Variants in INO80E observed in about 807,000 individuals in gnomAD.
The protein encoded by INO80E is INO80 complex subunit E.
INO80E carries 20 observed loss-of-function variants against 27.3 expected under a neutral mutation model. That is an observed-to-expected ratio of 0.73 (90% CI 0.51 to 1.06). The LOEUF (loss-of-function observed/expected upper bound fraction) is 1.06. INO80E is among the 50% of genes least tolerant of loss of function. The pLI is 0.00. For synonymous variants in INO80E, 167 were observed against 145.9 expected, an observed-to-expected ratio of 1.14 and a Z score of -1.04; for missense variants, 357 against 322.8, an observed-to-expected ratio of 1.11 and a Z score of -0.81.
At chr16:30,004,773 C>T (rs1292402006) in intron 6 of INO80E, 1 of 157,428 alleles carries the variant, frequency 6.4e-6, no homozygotes, top group Non-Finnish European at 1.4e-5. Context: ...GCTCCTGGCT[C>T]AGGCAGCCTG....
At position 30,001,519 on chromosome 16, in the gene INO80E, C is replaced by T. The variant is rs140904045; in HGVS notation, c.502C>T (p.Arg168Trp). Reference protein sequence around the residue: ...PKREKRPRLPRKLKMAVGPPD... With the variant: ...PKREKRPRLPWKLKMAVGPPD... ...GCGGGAGAAACGGCCCCGCCTGCCC[C>T]GGAAACTCAAGGTACCCTGACGTGG... is the stretch of plus-strand genomic sequence containing the variant. Residue 168 changes from arginine (R) to tryptophan (W), a missense_variant, in exon 6 of 7, where the codon CGG becomes TGG. Transcript: ENST00000563197. 7.5e-5 allele frequency: 121 copies of T among 1,612,588 alleles called. No homozygotes were observed. The African/African-American group carries it at 1.1e-3, about 14-fold the overall frequency.
At chr16:29,997,125 G>A (rs1480843980) in intron 3 of INO80E, among the ~76,000 whole-genome samples, 1 of 152,198 alleles carries the variant, frequency 6.6e-6, no homozygotes, top group African/African-American at 2.4e-5. Flanking sequence ...ATTCTAGTTG[G>A]GAAGAATAAG....
chr16:30,001,036 G>T lies in INO80E; in HGVS notation c.392G>T (p.Ser131Ile). The T allele has an allele frequency of 6.5e-7, 1 of 1,542,868 alleles. No homozygotes were observed. The highest frequency in any genetic ancestry group is 8.7e-7 in the Non-Finnish European group (1 of 1,144,078). ...QASGVPSPYLSSLASSRYPPF... is the reference protein window; with the variant it reads ...QASGVPSPYLISLASSRYPPF... ...TCCGGGGTCCCCTCCCCATACCTGA[G>T]CTCGGTGAGTTGGGGTCAGGGATGG... The change falls in exon 5 of 7, where the codon AGC becomes ATC. Residue 131 changes from serine (S) to isoleucine (I), a missense_variant. Ser to Ile is a moderately radical substitution (Grantham distance 142). Transcript: ENST00000563197.
At position 30,005,339 on chromosome 16, in the gene INO80E, C is replaced by G; in HGVS notation, c.632C>G (p.Pro211Arg). 6.7e-7 allele frequency: 1 copy of G among 1,501,550 alleles called. No individual in the cohort carries two copies. The allele number at this position is 1,501,550 out of a possible 1,614,324, so 93.0% of individuals were successfully genotyped here. A position where few individuals can be genotyped will look rare whatever the true frequency, so the allele number is the denominator to read the frequency against. Residue 211 changes from proline to arginine, a missense_variant, in exon 7 of 7, where the codon CCC (proline) becomes CGC (arginine). Coordinates refer to ENST00000563197, the MANE Select transcript of INO80E (RefSeq NM_173618.3). Reference sequence around the variant, plus strand: ...CTCCCACCCCCTAAGATGCCCCCCCCCACGATCCTGAGCACGGTCCCTCGG... The same window carrying G: ...CTCCCACCCCCTAAGATGCCCCCCCGCACGATCCTGAGCACGGTCCCTCGG... ...TPLPPPKMPP[P>R]TILSTVPRQM...
rs1402240076 is a variant in INO80E, at chr16:30,000,747, C to T, written c.206-11C>T. 3 of 1,612,950 alleles carry T rather than the reference C, an allele frequency of 1.9e-6. No homozygotes were observed. In the East Asian group the frequency reaches 6.7e-5, roughly 36 times the overall value. On this transcript the variant is annotated splice_polypyrimidine_tract_variant and intron_variant, in intron 3 of 6. Coordinates refer to ENST00000563197, the MANE Select transcript of INO80E (RefSeq NM_173618.3). ...CCCCCCATCCCCACTGACCAGCTGTCCCCATCACAGACTCAGATGCCACTG... is the reference window on the plus strand; with the variant it reads ...CCCCCCATCCCCACTGACCAGCTGTTCCCATCACAGACTCAGATGCCACTG...
chr16:30,001,511 G>A lies in INO80E; in HGVS notation c.494G>A (p.Arg165His), dbSNP rs147726848. 7.5e-5 allele frequency: 121 copies of A among 1,612,614 alleles called. No individual in the cohort carries two copies. The highest frequency in any genetic ancestry group is 4.1e-4 in the African/African-American group (31 of 74,834). Residue 165 changes from arginine (R) to histidine (H), a missense_variant, in exon 6 of 7, where the codon CGC becomes CAC. Arg to His is a conservative substitution (Grantham distance 29). Transcript: ENST00000563197. The stretch of plus-strand genomic sequence containing the variant: ...AGGCCCAAGCGGGAGAAACGGCCCC[G>A]CCTGCCCCGGAAACTCAAGGTACCC... ...PLRPKREKRP[R>H]LPRKLKMAVG...
At chr16:30,004,426 T>A (rs909502410) in intron 6 of INO80E, 1 of 152,940 alleles carries the variant, frequency 6.5e-6, no homozygotes, top group East Asian at 1.9e-4. Flanking sequence ...CAGAGGCCAC[T>A]TCCCACCCTC....
intron 6 of INO80E, chr16:30,004,462 A>G (rs1199407384): frequency 6.5e-6 from 1 of 152,792 alleles, no homozygotes; most frequent in Non-Finnish European, 1.5e-5. Flanking sequence ...ACTTCTGACA[A>G]ATAGAGCAGG....
chr16:29,996,254 C>T lies in INO80E; in HGVS notation c.-57C>T, dbSNP rs757116886. 33 of 1,499,524 alleles carry T rather than the reference C, an allele frequency of 2.2e-5. 1 individual carries two copies. In the Middle Eastern group the frequency reaches 2.3e-3, roughly 106 times the overall value. 92.9% of individuals were successfully genotyped at this position (1,499,524 alleles called of 1,614,324 possible). A position where few individuals can be genotyped will look rare whatever the true frequency, so the allele number is the denominator to read the frequency against. ...GGAAGTGGAGGCGGGAGCGGCACGG[C>T]AGCCACTGCTTGGGGTAGCGGGAGG... On this transcript the variant is annotated 5_prime_UTR_variant, in exon 1 of 7. Transcript: ENST00000563197.
chr16:29,996,973 A>G, intron 3 of INO80E, 113 bp downstream of exon 3: 1 of 993,978 alleles, frequency 1.0e-6, no homozygotes, highest in Admixed American at 1.9e-5. Context: ...GTGGTCCTTA[A>G]GCCTAGTTGC....
chr16:29,997,104 T>C (rs1016054661), intron 3 of INO80E, among the ~76,000 whole-genome samples: 1 of 152,258 alleles, frequency 6.6e-6, no homozygotes, highest in Non-Finnish European at 1.5e-5. Context: ...CCTTGGCCTC[T>C]TGTAATTTAT....
rs759080464 is a variant in INO80E, at chr16:30,001,498, G to T, written c.481G>T (p.Glu161Ter). 5.6e-6 allele frequency: 9 copies of T among 1,613,122 alleles called. No homozygotes were observed. The South Asian group carries it at 9.9e-5, about 18-fold the overall frequency. Reference sequence around the variant, plus strand: ...GCCCAGTCCCCTGAGGCCCAAGCGGGAGAAACGGCCCCGCCTGCCCCGGAA... The same window carrying T: ...GCCCAGTCCCCTGAGGCCCAAGCGGTAGAAACGGCCCCGCCTGCCCCGGAA... ...PEPSPLRPKR[E>*]KRPRLPRKLK... The change falls in exon 6 of 7, where the codon GAG becomes TAG. Residue 161 changes from glutamate (E) to a stop codon, truncating the protein, a stop_gained. Transcript: ENST00000563197. LOFTEE classifies it high-confidence loss of function.
In INO80E at chr16:29,996,801, C is replaced by T. The variant is rs771821825; in HGVS notation, c.153-7C>T. On this transcript the variant is annotated splice_polypyrimidine_tract_variant and splice_region_variant and intron_variant, in intron 2 of 6. Coordinates refer to ENST00000563197, the MANE Select transcript of INO80E (RefSeq NM_173618.3). The stretch of plus-strand genomic sequence containing the variant: ...ATCACTGTCCGTGTCTCCTTCCCTC[C>T]CCTCAGTTTCCTCCTAGACCGACTT... 9.9e-6 allele frequency: 16 copies of T among 1,613,950 alleles called. No individual in the cohort carries two copies. In the South Asian group the frequency reaches 1.6e-4, roughly 17 times the overall value.
rs746241599 is a variant in INO80E, at chr16:30,001,453, C to T, written c.436C>T (p.Leu146=). The change falls in exon 6 of 7, where the codon CTG becomes TTG. Residue 146 remains leucine (L), a synonymous_variant. Transcript: ENST00000563197. ...SRYPPFPSDY[L]ALQLPEPSPL... The stretch of plus-strand genomic sequence containing the variant: ...CTACCCCCCATTCCCTTCTGACTAC[C>T]TGGCCCTGCAGCTGCCCGAGCCCAG... 31 of 1,612,470 alleles carry T rather than the reference C, an allele frequency of 1.9e-5. No homozygotes were observed. The Admixed American group carries it at 5.0e-4, about 26-fold the overall frequency.
chr16:30,000,153 C>T (rs185314291), intron 3 of INO80E, among the ~76,000 whole-genome samples: 148 of 152,256 alleles, frequency 9.7e-4, no homozygotes, highest in Non-Finnish European at 1.2e-4. Flanking sequence ...CCCTTCCCAT[C>T]CTTCCTTGGA....
chr16:30,002,730 A>G (rs901320747), intron 6 of INO80E: 1 of 152,248 alleles, frequency 6.6e-6, no homozygotes, highest in Admixed American at 6.5e-5. Context: ...GTCAGATGCC[A>G]TCTGGAAAGG....
intron 2 of INO80E, 21 bp downstream of exon 2, chr16:29,996,638 G>A (rs1258793583): frequency 1.3e-6 from 2 of 1,580,844 alleles, no homozygotes; most frequent in Non-Finnish European, 1.7e-6. Flanking sequence ...TTGCAGGGGC[G>A]GAGGGCGATG....
At chr16:30,001,145 GTC>G in intron 5 of INO80E, 105 bp downstream of exon 5, 1 of 1,474,450 alleles carries the variant, frequency 6.8e-7, no homozygotes, top group East Asian at 2.4e-5. Flanking sequence ...GGGGACATCT[GTC>G]TGGGTGTGGC....
chr16:29,997,754 CAAAAA>C (rs77565859), intron 3 of INO80E, among the ~76,000 whole-genome samples: 1 of 67,284 alleles, frequency 1.5e-5, no homozygotes, highest in Non-Finnish European at 3.1e-5. Flanking sequence ...GACTCCGTCT[CAAAAA>C]AAAAAAAAAA....
Sources: allele counts gnomAD v4.1 joint callset (sites outside exome capture counted in the v4.1 genomes callset), GRCh38; gene constraint gnomAD v4.1.1; transcripts MANE v1.5; gene names NCBI Gene and HGNC (gene_info 2026-07-23, HGNC 2026-07-21).